The following PTDSS2 variants were observed in gnomAD, a reference collection of about 807,000 sequenced individuals.
The protein encoded by PTDSS2 is phosphatidylserine synthase 2, also known as PSS-2.
Under a neutral mutation model 64.7 loss-of-function variants are expected in PTDSS2, and 41 were observed. The observed-to-expected ratio is 0.63, with a 90% CI of 0.49 to 0.82. PTDSS2 has a LOEUF of 0.82. Ranked by LOEUF, PTDSS2 falls within the 40% of genes least tolerant of loss-of-function variation. The probability of loss-of-function intolerance (pLI) is 0.00; values close to 1 mark genes in which losing one functional copy is unlikely to be tolerated. For synonymous variants in PTDSS2, 297 were observed against 277.8 expected (o/e 1.07, Z -0.69); for missense variants, 485 against 650.0 (o/e 0.75, Z 2.76).
At chr11:488,726 C>G in intron 8 of PTDSS2, 79 bp downstream of exon 8, 1 of 1,055,838 alleles carries the variant, frequency 9.5e-7, no homozygotes, top group South Asian at 1.3e-5. Flanking sequence ...TCCAGCAGAC[C>G]CCGAGCACCA....
intron 4 of PTDSS2, among the ~76,000 whole-genome samples, chr11:484,912 C>T (rs1027043070): frequency 1.6e-5 from 2 of 128,404 alleles, no homozygotes; most frequent in African/African-American, 6.0e-5. Flanking sequence ...TGTGTGCTCA[C>T]TGCGCAGGCG....
In PTDSS2 at chr11:489,892, C is replaced by T. The variant is rs369771234; in HGVS notation, c.1125C>T (p.His375=). 8.2e-6 allele frequency: 13 copies of T among 1,590,072 alleles called. No homozygotes were observed. The highest frequency in any genetic ancestry group is 1.3e-5 in the African/African-American group (1 of 74,834). ...IYDFMDDPKP[H]KKLGPQAWLV... ...CCTGCTGCCCCTGCAGGAAGCCCCA[C>T]AAGAAGCTGGGCCCGCAGGCCTGGC... Residue 375 remains histidine, a synonymous_variant, in exon 11 of 12, where the codon CAC becomes CAT. Transcript: ENST00000308020.
At chr11:453,539 C>T (rs1034732919) in intron 1 of PTDSS2, among the ~76,000 whole-genome samples, 1 of 152,232 alleles carries the variant, frequency 6.6e-6, no homozygotes, top group African/African-American at 2.4e-5. Flanking sequence ...GTGAGGTGAC[C>T]TCTGACCTTC....
In PTDSS2 at chr11:464,824, A is replaced by G. The variant is rs1342061865; in HGVS notation, c.284+4536A>G. ...TTACTCAATAAAATACATGTAACATATATAAATGTAATACACTTAAAATAT... is the reference window on the plus strand; with the variant it reads ...TTACTCAATAAAATACATGTAACATGTATAAATGTAATACACTTAAAATAT... On this transcript the variant is annotated intron_variant, in intron 2 of 11. Coordinates refer to ENST00000308020, the MANE Select transcript of PTDSS2 (RefSeq NM_030783.3). Among the ~76,000 whole-genome samples the G allele has an allele frequency of 4.6e-5, 7 of 152,378 alleles. No individual in the cohort carries two copies. In the South Asian group the frequency reaches 1.2e-3, roughly 27 times the overall value.
chr11:465,049 G>A (rs1847082216), intron 2 of PTDSS2, among the ~76,000 whole-genome samples: 1 of 152,164 alleles, frequency 6.6e-6, no homozygotes, highest in African/African-American at 2.4e-5. Context: ...CAAGTCCATG[G>A]CGAAGGGATG....
intron 2 of PTDSS2, 127 bp from the exon 3 acceptor site, chr11:473,768 G>GC: frequency 1.3e-6 from 1 of 763,544 alleles, no homozygotes; most frequent in South Asian, 1.5e-5. Flanking sequence ...TCTGCCCGAG[G>GC]CCCCTTCCTC....
In PTDSS2 at chr11:459,927, C is replaced by A. The variant is rs571709952; in HGVS notation, c.183-260C>A. 308 of 496,056 alleles carry A rather than the reference C, an allele frequency of 6.2e-4. 5 individuals carry two copies. Among genetic ancestry groups the A allele is most frequent in the South Asian group, 3.6e-3 (152 of 42,358 alleles). The allele number at this position is 496,056 out of a possible 1,614,324, so 30.7% of individuals were successfully genotyped here. On this transcript the variant is annotated intron_variant, in intron 1 of 11. Coordinates refer to ENST00000308020, the MANE Select transcript of PTDSS2 (RefSeq NM_030783.3). The stretch of plus-strand genomic sequence containing the variant: ...CCAGTGGCAGCATGTGCCCTCTGAG[C>A]AGCGGCCTTCAGCTTCCCAGGAACA...
At chr11:464,276 C>T (rs1847040156) in intron 2 of PTDSS2, among the ~76,000 whole-genome samples, 1 of 152,230 alleles carries the variant, frequency 6.6e-6, no homozygotes, top group South Asian at 2.1e-4. Context: ...AGCCACTGCG[C>T]CCGGCCCCGT....
intron 4 of PTDSS2, among the ~76,000 whole-genome samples, chr11:484,505 G>A (rs1402565575): frequency 6.6e-6 from 1 of 152,054 alleles, no homozygotes; most frequent in Non-Finnish European, 1.5e-5. Flanking sequence ...AGCCAGTGCA[G>A]GGGTGCGTGT....
chr11:452,516 C>T lies in PTDSS2; in HGVS notation c.182+1879C>T, dbSNP rs79233295. On this transcript the variant is annotated intron_variant, in intron 1 of 11. Coordinates refer to ENST00000308020, the MANE Select transcript of PTDSS2 (RefSeq NM_030783.3). Reference sequence around the variant, plus strand: ...GGTGTTTGGGACACAGACGGCTGGGCGCAGCAGAGCTTGCCTGTCAGGAGG... The same window carrying T: ...GGTGTTTGGGACACAGACGGCTGGGTGCAGCAGAGCTTGCCTGTCAGGAGG... Among the ~76,000 whole-genome samples, 576 of 152,318 alleles carry T rather than the reference C, an allele frequency of 3.8e-3. 3 individuals carry two copies. Among genetic ancestry groups the T allele is most frequent in the African/African-American group, 0.013 (559 of 41,566 alleles).
chr11:469,965 G>A (rs1847343440), intron 2 of PTDSS2, among the ~76,000 whole-genome samples: 1 of 152,134 alleles, frequency 6.6e-6, no homozygotes, highest in Non-Finnish European at 1.5e-5. Flanking sequence ...ACCCAGAGTA[G>A]AAAATAAACA....
intron 4 of PTDSS2, among the ~76,000 whole-genome samples, chr11:484,721 C>T (rs1046267329): frequency 3.4e-5 from 5 of 146,874 alleles, no homozygotes; most frequent in Non-Finnish European, 7.4e-5. Flanking sequence ...GTAAACAGTG[C>T]ACGGATGCGT....
chr11:458,380 T>G (rs1250484020), intron 1 of PTDSS2, among the ~76,000 whole-genome samples: 1 of 151,320 alleles, frequency 6.6e-6, no homozygotes, highest in Non-Finnish European at 1.5e-5. Context: ...TAATTTTTTG[T>G]ATTTTTAGTA....
At position 461,317 on chromosome 11, in the gene PTDSS2, C is replaced by A. The variant is rs1230015457; in HGVS notation, c.284+1029C>A. On this transcript the variant is annotated intron_variant, in intron 2 of 11. Transcript: ENST00000308020. The surrounding 1 kb of genome is among the most constrained non-coding windows in gnomAD (Gnocchi z 4.2). Reference sequence around the variant, plus strand: ...GTTTGCCCACTGATTTGACACCAGCCCTGTGGGCTCTAGAACACAAGCATG... The same window carrying A: ...GTTTGCCCACTGATTTGACACCAGCACTGTGGGCTCTAGAACACAAGCATG... Among the ~76,000 whole-genome samples the A allele has an allele frequency of 6.6e-6, 1 of 152,154 alleles. No individual in the cohort carries two copies. Among genetic ancestry groups the A allele is most frequent in the Admixed American group, 6.5e-5 (1 of 15,278 alleles).
rs113782051 is a variant in PTDSS2, at chr11:476,158, G to A, written c.367+2181G>A. Among the ~76,000 whole-genome samples the A allele has an allele frequency of 0.026, 3,892 of 152,244 alleles. 166 individuals are homozygous for A. Among genetic ancestry groups the A allele is most frequent in the African/African-American group, 0.089 (3,680 of 41,526 alleles). On this transcript the variant is annotated intron_variant, in intron 3 of 11. Transcript: ENST00000308020. This position sits in a 1 kb window ranked among gnomAD's most constrained non-coding sequence, Gnocchi z 4.9. ...TGAGAGAGGGCTCCTTGAGTGCCTG[G>A]CAGGCCACTCTGCTGGCTGACAGCT...
chr11:468,253 G>A (rs1459693533), intron 2 of PTDSS2, among the ~76,000 whole-genome samples: 2 of 152,216 alleles, frequency 1.3e-5, no homozygotes, highest in Non-Finnish European at 2.9e-5. Flanking sequence ...ATTTCAGCTC[G>A]ATGACCTTCT....
chr11:452,728 C>A (rs1430681515), intron 1 of PTDSS2, among the ~76,000 whole-genome samples: 2 of 152,134 alleles, frequency 1.3e-5, no homozygotes, highest in Non-Finnish European at 2.9e-5. Context: ...GAAGGAGCTT[C>A]ACGCTTCTGG....
intron 1 of PTDSS2, among the ~76,000 whole-genome samples, chr11:457,171 T>A (rs1846634362): frequency 6.6e-6 from 1 of 152,202 alleles, no homozygotes; most frequent in African/African-American, 2.4e-5. Flanking sequence ...CCACCTGCAG[T>A]CCTGCAGCTC....
intron 8 of PTDSS2, among the ~76,000 whole-genome samples, chr11:489,132 A>T (rs1021151066): frequency 6.6e-6 from 1 of 152,240 alleles, no homozygotes; most frequent in African/African-American, 2.4e-5. Context: ...CCACTGCTCA[A>T]GCTGGAAGAG....
Sources: allele counts gnomAD v4.1 joint callset (sites outside exome capture counted in the v4.1 genomes callset), GRCh38; gene constraint gnomAD v4.1.1; non-coding constraint Gnocchi (gnomAD v3.1); transcripts MANE v1.5; gene names NCBI Gene and HGNC (gene_info 2026-07-23, HGNC 2026-07-21).